Variants in PGR observed in about 807,000 individuals in gnomAD.
PGR encodes progesterone receptor, also known as nuclear receptor subfamily 3 group C member 3.
A neutral mutation model predicts 76.1 loss-of-function variants in PGR; 25 were observed. That is an observed-to-expected ratio of 0.33 (90% CI 0.24 to 0.46). PGR has a LOEUF of 0.46. Among genes scored for constraint, PGR ranks in the 20% least tolerant of loss-of-function variants. PGR has a pLI of 1.00. For synonymous variants in PGR, 579 were observed against 535.0 expected, an observed-to-expected ratio of 1.08 and a Z score of -1.14; for missense variants, 1,172 against 1,225.3, an observed-to-expected ratio of 0.96 and a Z score of 0.65.
At chr11:101,105,232 G>A (rs917712551) in intron 2 of PGR, among the ~76,000 whole-genome samples, 3 of 152,244 alleles carry the variant, frequency 2.0e-5, no homozygotes, top group Admixed American at 1.3e-4. Flanking sequence ...TGGAGACACT[G>A]GAGCAGACGG....
rs1418926944 is a variant in PGR at position 101,038,531 on chromosome 11, G to A, written c.*585C>T. 1 of 229,180 alleles carries A rather than the reference G, an allele frequency of 4.4e-6. No individual in the cohort carries two copies. The highest frequency in any genetic ancestry group is 2.2e-5 in the African/African-American group (1 of 45,068). 14.2% of individuals were successfully genotyped at this position (229,180 alleles called of 1,614,324 possible). ...TCTGGAAAATGGTCTTAACATATGA[G>A]TTGTTTTGCCTAGTTTGAAGAACAT... On this transcript the variant is annotated 3_prime_UTR_variant, in exon 8 of 8. Transcript: ENST00000325455.
At chr11:101,125,932 T>C (rs1244215364) in intron 2 of PGR, 75 bp downstream of exon 2, 4 of 1,242,662 alleles carry the variant, frequency 3.2e-6, no homozygotes, top group East Asian at 2.3e-5. Flanking sequence ...AAGGAATAAT[T>C]GAAATCTATA....
In PGR at chr11:101,035,042, A is replaced by G. The variant is rs1859462844; in HGVS notation, c.*4074T>C. On this transcript the variant is annotated 3_prime_UTR_variant, in exon 8 of 8. Coordinates refer to ENST00000325455, the MANE Select transcript of PGR (RefSeq NM_000926.4). ...ATTTAGGACTTGGTGAACTTTTGCT[A>G]GACTATCTGGCTATGTATTTTCTGT... 1 of 201,576 alleles carries G rather than the reference A, an allele frequency of 5.0e-6. No homozygotes were observed. The highest frequency in any genetic ancestry group is 1.0e-5 in the Non-Finnish European group (1 of 98,020). The allele number at this position is 201,576 out of a possible 1,614,324, so 12.5% of individuals were successfully genotyped here. A position where few individuals can be genotyped will look rare whatever the true frequency, so the allele number is the denominator to read the frequency against.
chr11:101,063,662 G>C (rs1293182678), intron 3 of PGR: 1 of 152,224 alleles, frequency 6.6e-6, no homozygotes, highest in Non-Finnish European at 1.5e-5. Flanking sequence ...TGAAGTAGCT[G>C]TTTAGCCAAG....
At position 101,128,771 on chromosome 11, in the gene PGR, ACTG is replaced by A; in HGVS notation, c.297_299del (p.Ser102del). ...CGCTGTCCTTTTCTGGGGGACTAGA[ACTG>A]CTGCCTCCAGCACCCCTTGTAGCTT... On this transcript the variant is annotated inframe_deletion, in exon 1 of 8. Coordinates refer to ENST00000325455, the MANE Select transcript of PGR (RefSeq NM_000926.4). 1 of 1,613,948 alleles carries A rather than the reference ACTG, an allele frequency of 6.2e-7. No homozygotes were observed. Among genetic ancestry groups the A allele is most frequent in the Non-Finnish European group, 8.5e-7 (1 of 1,180,010 alleles).
At chr11:101,068,935 T>C (rs1446130752) in intron 3 of PGR, among the ~76,000 whole-genome samples, 7 of 152,096 alleles carry the variant, frequency 4.6e-5, no homozygotes. Context: ...ACCTAGGCAA[T>C]ACCATTCAGG....
chr11:101,072,804 A>T (rs1860987896), intron 3 of PGR, among the ~76,000 whole-genome samples: 1 of 152,210 alleles, frequency 6.6e-6, no homozygotes, highest in African/African-American at 2.4e-5. Flanking sequence ...TCAATACAGG[A>T]GCATTCAGAT....
At chr11:101,112,890 T>C (rs1862383975) in intron 2 of PGR, among the ~76,000 whole-genome samples, 1 of 152,216 alleles carries the variant, frequency 6.6e-6, no homozygotes, top group Non-Finnish European at 1.5e-5. Context: ...ACCATTTTAT[T>C]TACTATTTAT....
chr11:101,069,969 A>G (rs11224582), intron 3 of PGR, among the ~76,000 whole-genome samples: 17,637 of 151,810 alleles, frequency 0.12, 1,338 homozygotes, highest in Non-Finnish European at 0.16. Flanking sequence ...AAACCTGCAT[A>G]TTCTGTACAT....
chr11:101,112,020 G>A (rs529371869), intron 2 of PGR, among the ~76,000 whole-genome samples: 1 of 152,176 alleles, frequency 6.6e-6, no homozygotes, highest in Non-Finnish European at 1.5e-5. Context: ...AGCGAATAAA[G>A]TATTTGCAGG....
At chr11:101,126,318 A>G (rs1436511911) in intron 1 of PGR, among the ~76,000 whole-genome samples, 160 bp from the exon 2 acceptor site, 2 of 152,350 alleles carry the variant, frequency 1.3e-5, no homozygotes, top group Non-Finnish European at 2.9e-5. Flanking sequence ...GTAATAGACT[A>G]TCCGTAACTG....
At chr11:101,067,343 G>T (rs557022046) in intron 3 of PGR, among the ~76,000 whole-genome samples, 1 of 152,208 alleles carries the variant, frequency 6.6e-6, no homozygotes, top group South Asian at 2.1e-4. Flanking sequence ...GGCATGAACA[G>T]ATATTTCACA....
chr11:101,046,337 A>T (rs1368917322), intron 6 of PGR, among the ~76,000 whole-genome samples: 3 of 54,854 alleles, frequency 5.5e-5, no homozygotes, highest in African/African-American at 8.3e-5. Flanking sequence ...TTTTTTTTTT[A>T]GAGACGGGGT....
chr11:101,126,298 A>T, intron 1 of PGR, 140 bp from the exon 2 acceptor site: 1 of 786,404 alleles, frequency 1.3e-6, no homozygotes, highest in Non-Finnish European at 2.1e-6. Flanking sequence ...AGACATGCAA[A>T]CTAAACTTGG....
chr11:101,100,528 T>C (rs1322435646), intron 2 of PGR, among the ~76,000 whole-genome samples: 2 of 152,122 alleles, frequency 1.3e-5, no homozygotes, highest in Non-Finnish European at 2.9e-5. Flanking sequence ...TAAGATTTTA[T>C]GCAGGAGATG....
Position 101,129,026 on chromosome 11 carries a change from C to A in PGR, c.45G>T (p.Ala15=), listed in dbSNP as rs1464743270. Residue 15 remains alanine (A), a synonymous_variant, in exon 1 of 8, where the codon GCG becomes GCT. Coordinates refer to ENST00000325455, the MANE Select transcript of PGR (RefSeq NM_000926.4). The part of the protein sequence containing the change: ...KAKGPRAPHV[A]GGPPSPEVGS... ...CGACCTCGGGGGAGGGCGGGCCGCC[C>A]GCCACGTGGGGAGCCCGGGGACCCT... 21 of 1,567,242 alleles carry A rather than the reference C, an allele frequency of 1.3e-5. No individual in the cohort carries two copies. Among genetic ancestry groups the A allele is most frequent in the Non-Finnish European group, 1.8e-5 (21 of 1,157,084 alleles).
chr11:101,105,254 T>C (rs482765), intron 2 of PGR, among the ~76,000 whole-genome samples: 17,814 of 152,232 alleles, frequency 0.12, 1,351 homozygotes, highest in Non-Finnish European at 0.16. Context: ...TAACATGATC[T>C]GACTTATATT....
chr11:101,128,480 G>A lies in PGR; in HGVS notation c.591C>T (p.Leu197=), dbSNP rs1278512543. 1.2e-6 allele frequency: 2 copies of A among 1,607,410 alleles called. No homozygotes were observed. The highest frequency in any genetic ancestry group is 1.3e-5 in the African/African-American group (1 of 74,918). Reference sequence around the variant, plus strand: ...ACCAGTGAGGGCTCTCAGAGGCCGGGAGCAGCAGCTGCCGGGCTGGTGACA... The same window carrying A: ...ACCAGTGAGGGCTCTCAGAGGCCGGAAGCAGCAGCTGCCGGGCTGGTGACA... ...RGLSPARQLL[L]PASESPHWSG... is the part of the protein sequence containing the mutation. Residue 197 remains leucine (L), a synonymous_variant, in exon 1 of 8, where the codon CTC becomes CTT. Coordinates refer to ENST00000325455, the MANE Select transcript of PGR (RefSeq NM_000926.4).
At chr11:101,082,064 G>C (rs1861329526) in intron 3 of PGR, among the ~76,000 whole-genome samples, 6 of 152,140 alleles carry the variant, frequency 3.9e-5, no homozygotes, top group Admixed American at 3.9e-4. Flanking sequence ...TACTGTTGTT[G>C]TGATAATGAG....
Sources: gnomAD v4.1 joint callset for allele counts (sites outside exome capture counted in the v4.1 genomes callset) on GRCh38, gnomAD v4.1.1 for gene constraint, MANE v1.5 for transcripts, NCBI Gene and HGNC (gene_info 2026-07-23, HGNC 2026-07-21) for gene names.